The following GMIP variants were observed in gnomAD, a reference collection of about 807,000 sequenced individuals.
GMIP encodes GEM-interacting protein.
Under a neutral mutation model 105.3 loss-of-function variants are expected in GMIP, and 54 were observed. The observed-to-expected ratio is 0.51, with a 90% CI of 0.41 to 0.64. The LOEUF (loss-of-function observed/expected upper bound fraction) is 0.64, where lower values mean the gene tolerates loss of function less well. Among genes scored for constraint, GMIP ranks in the 30% least tolerant of loss-of-function variants. The pLI is 0.00. For missense variants in GMIP, 1,110 were observed against 1,319.4 expected (o/e 0.84, Z 2.46); for synonymous variants, 541 against 560.8 (o/e 0.96, Z 0.50).
In GMIP at chr19:19,637,965, C is replaced by A. The variant is rs889742350; in HGVS notation, c.882G>T (p.Ser294=). 1 of 1,610,840 alleles carries A rather than the reference C, an allele frequency of 6.2e-7. No homozygotes were observed. Among genetic ancestry groups the A allele is most frequent in the Admixed American group, 1.7e-5 (1 of 59,854 alleles). ...CCTGAAACACCAGCTTGCGCACGTGCGACACGATTCGCTGCTTGGCGATCT... is the reference window on the plus strand; with the variant it reads ...CCTGAAACACCAGCTTGCGCACGTGAGACACGATTCGCTGCTTGGCGATCT... ...DLEIAKQRIV[S]HVRKLVFQGD... The change falls in exon 10 of 21, where the codon TCG becomes TCT. Residue 294 remains serine, a synonymous_variant. Coordinates refer to ENST00000203556, the MANE Select transcript of GMIP (RefSeq NM_016573.4). The surrounding 1 kb of genome is among the most constrained non-coding windows in gnomAD (Gnocchi z 6.7).
At chr19:19,643,237 T>A in intron 1 of GMIP, 2 of 424,358 alleles carry the variant, frequency 4.7e-6, no homozygotes, top group Middle Eastern at 6.3e-4. Context: ...CCTGCCCCCA[T>A]CACAAAAATC....
At chr19:19,643,059 GAC>G (rs2061940205) in intron 1 of GMIP, 1 of 210,018 alleles carries the variant, frequency 4.8e-6, no homozygotes, top group Non-Finnish European at 9.6e-6. Context: ...ACACAACACA[GAC>G]ACAAAGACGG....
At position 19,635,882 on chromosome 19, in the gene GMIP, G is replaced by C. The variant is rs889767177; in HGVS notation, c.1328-161C>G. On this transcript the variant is annotated intron_variant, in intron 13 of 20. Transcript: ENST00000203556. The surrounding 1 kb of genome is among the most constrained non-coding windows in gnomAD (Gnocchi z 4.7). Reference sequence around the variant, plus strand: ...TGGAGAATTGGGTCAGCAACCTGAGGGGGGTGGTTCATAAGCTGGATCAAG... The same window carrying C: ...TGGAGAATTGGGTCAGCAACCTGAGCGGGGTGGTTCATAAGCTGGATCAAG... Among the ~76,000 whole-genome samples the C allele has an allele frequency of 6.6e-6, 1 of 152,172 alleles. No individual in the cohort carries two copies. The highest frequency in any genetic ancestry group is 2.4e-5 in the African/African-American group (1 of 41,440).
chr19:19,634,050 T>A lies in GMIP; in HGVS notation c.2225A>T (p.Gln742Leu), dbSNP rs2061823821. 6.2e-7 allele frequency: 1 copy of A among 1,613,480 alleles called. No homozygotes were observed. The highest frequency in any genetic ancestry group is 8.5e-7 in the Non-Finnish European group (1 of 1,179,854). The change falls in exon 19 of 21, where the codon CAG becomes CTG. Residue 742 changes from glutamine (Q) to leucine (L), a missense_variant. Transcript: ENST00000203556. This position sits in a 1 kb window ranked among gnomAD's most constrained non-coding sequence, Gnocchi z 6.1. ...PVTCLLDSGH[Q>L]AQLVEFLIVH... ...GATGAGGAACTCCACAAGCTGGGCC[T>A]GATGCCCAGAGTCCAGCAGGCAGGT... is the stretch of plus-strand genomic sequence containing the variant.
intron 9 of GMIP, 32 bp from the exon 10 acceptor site, chr19:19,638,089 G>C (rs747539714): frequency 1.9e-6 from 3 of 1,541,774 alleles, no homozygotes; most frequent in East Asian, 2.4e-5. Flanking sequence ...AGCGGGGTGG[G>C]GCGCGTGTGG....
At chr19:19,638,518 CT>C in intron 7 of GMIP, 36 bp from the exon 8 acceptor site, 1 of 1,575,542 alleles carries the variant, frequency 6.3e-7, no homozygotes, top group Non-Finnish European at 8.7e-7. Flanking sequence ...GAGACGCTGC[CT>C]TAGGGCCAAC....
Position 19,635,814 on chromosome 19 carries a change from T to G in GMIP, c.1328-93A>C, listed in dbSNP as rs1453250446. 4 of 1,030,786 alleles carry G rather than the reference T, an allele frequency of 3.9e-6. No homozygotes were observed. In the African/African-American group the frequency reaches 6.3e-5, roughly 16 times the overall value. The allele number at this position is 1,030,786 out of a possible 1,614,324, so 63.9% of individuals were successfully genotyped here. A position where few individuals can be genotyped will look rare whatever the true frequency, so the allele number is the denominator to read the frequency against. ...GAACCACCCACTAATTCCCAAGGGG[T>G]CAGAGGTCAGGAGGGGGATTGGACA... On this transcript the variant is annotated intron_variant, in intron 13 of 20. Transcript: ENST00000203556. The surrounding 1 kb of genome is among the most constrained non-coding windows in gnomAD (Gnocchi z 4.7).
chr19:19,639,390 T>C (rs1045697693), intron 7 of GMIP, among the ~76,000 whole-genome samples: 1 of 151,960 alleles, frequency 6.6e-6, no homozygotes, highest in African/African-American at 2.4e-5. Context: ...TGGACCCTTT[T>C]CTGAGTCAGT....
At position 19,635,845 on chromosome 19, in the gene GMIP, GT is replaced by G; in HGVS notation, c.1328-125del. On this transcript the variant is annotated intron_variant, in intron 13 of 20. Coordinates refer to ENST00000203556, the MANE Select transcript of GMIP (RefSeq NM_016573.4). The surrounding 1 kb of genome is among the most constrained non-coding windows in gnomAD (Gnocchi z 4.7). ...GTCAGGAGGGGGATTGGACAGGTCA[GT>G]GGTTAAGGGTTGGAGAATTGGGTCA... The G allele has an allele frequency of 1.3e-6, 1 of 770,216 alleles. No individual in the cohort carries two copies. Among genetic ancestry groups the G allele is most frequent in the Non-Finnish European group, 2.2e-6 (1 of 449,700 alleles). The allele number at this position is 770,216 out of a possible 1,614,324, so 47.7% of individuals were successfully genotyped here.
At position 19,638,006 on chromosome 19, in the gene GMIP, G is replaced by T; in HGVS notation, c.841C>A (p.Arg281=). Residue 281 remains arginine, a synonymous_variant, in exon 10 of 21, where the codon CGG becomes AGG. Coordinates refer to ENST00000203556, the MANE Select transcript of GMIP (RefSeq NM_016573.4). The part of the protein sequence containing the change: ...YQACVREANA[R]QQDLEIAKQR... ...TTGGCGATCTCCAGGTCCTGCTGCC[G>T]CGCGTTGGCCTCGCGGACACAGGCC... The T allele has an allele frequency of 6.2e-7, 1 of 1,609,370 alleles. No homozygotes were observed. The highest frequency in any genetic ancestry group is 8.5e-7 in the Non-Finnish European group (1 of 1,178,554).
chr19:19,643,485 C>T (rs376990815), intron 1 of GMIP, 26 bp downstream of exon 1: 18 of 1,539,222 alleles, frequency 1.2e-5, no homozygotes, highest in East Asian at 2.5e-5. Flanking sequence ...TCGGGGGAGG[C>T]CCCTCCCGGA....
Position 19,634,828 on chromosome 19 carries a change from A to G in GMIP, c.1851T>C (p.His617=), listed in dbSNP as rs913942148. ...ALVELSGNSP[H]DVSSVLKRFL... Reference sequence around the variant, plus strand: ...ATCGCTTGAGGACACTCGAGACGTCATGAGGCGAGTTCCCCGACAGCTCCA... The same window carrying G: ...ATCGCTTGAGGACACTCGAGACGTCGTGAGGCGAGTTCCCCGACAGCTCCA... Residue 617 remains histidine, a synonymous_variant, in exon 17 of 21, where the codon CAT becomes CAC. Transcript: ENST00000203556. The surrounding 1 kb of genome is among the most constrained non-coding windows in gnomAD (Gnocchi z 6.1). 2.5e-6 allele frequency: 4 copies of G among 1,613,736 alleles called. No individual in the cohort carries two copies. Among genetic ancestry groups the G allele is most frequent in the Admixed American group, 3.3e-5 (2 of 60,008 alleles).
In GMIP at chr19:19,643,522, G is replaced by A. The variant is rs2061947731; in HGVS notation, c.8C>T (p.Ala3Val). 2 of 1,548,670 alleles carry A rather than the reference G, an allele frequency of 1.3e-6. No individual in the cohort carries two copies. Among genetic ancestry groups the A allele is most frequent in the Non-Finnish European group, 1.7e-6 (2 of 1,145,820 alleles). MD[A>V]AEPGLPPGPE... ...CCCCGACCCCCTACCCGGCTCTGCTGCGTCCATATCTGGGCCCGGGGATCG... is the reference window on the plus strand; with the variant it reads ...CCCCGACCCCCTACCCGGCTCTGCTACGTCCATATCTGGGCCCGGGGATCG... Residue 3 changes from alanine (A) to valine (V), a missense_variant, in exon 1 of 21, where the codon GCA (alanine) becomes GTA (valine). Around this residue, in one of 3 missense-constraint regions of GMIP, gnomAD observed 667 missense variants for 773.2 expected, o/e 0.86. Coordinates refer to ENST00000203556, the MANE Select transcript of GMIP (RefSeq NM_016573.4).
At chr19:19,636,029 C>T (rs879614444) in intron 13 of GMIP, among the ~76,000 whole-genome samples, 2 of 151,620 alleles carry the variant, frequency 1.3e-5, no homozygotes, top group Non-Finnish European at 2.9e-5. Context: ...CATGGCAAAA[C>T]CTTGTCTCTA....
chr19:19,642,698 G>T (rs1399850329), intron 1 of GMIP, 79 bp from the exon 2 acceptor site: 2 of 653,834 alleles, frequency 3.1e-6, no homozygotes, highest in Non-Finnish European at 5.6e-6. Context: ...TCATTTGGAG[G>T]GGGTGGAAGA....
chr19:19,634,189 C>A lies in GMIP; in HGVS notation c.2086G>T (p.Val696Leu). 6.3e-7 allele frequency: 1 copy of A among 1,591,194 alleles called. No individual in the cohort carries two copies. The highest frequency in any genetic ancestry group is 8.6e-7 in the Non-Finnish European group (1 of 1,166,636). ...LRHLVAHLFR[V>L]AARFMENKMS... is the part of the protein sequence containing the mutation. ...TTGTTTTCCATAAATCGTGCAGCCACCCTGGGGATGGTGTGAAGAGAAAGG... is the reference window on the plus strand; with the variant it reads ...TTGTTTTCCATAAATCGTGCAGCCAACCTGGGGATGGTGTGAAGAGAAAGG... The change falls in exon 19 of 21, where the codon GTG (valine) becomes TTG (leucine). Residue 696 changes from valine to leucine, a missense_variant and splice_region_variant. By Grantham distance (32) the Val-to-Leu change is conservative. Coordinates refer to ENST00000203556, the MANE Select transcript of GMIP (RefSeq NM_016573.4). This position sits in a 1 kb window ranked among gnomAD's most constrained non-coding sequence, Gnocchi z 6.1.
At chr19:19,638,086 T>C in intron 9 of GMIP, 29 bp from the exon 10 acceptor site, 1 of 1,544,784 alleles carries the variant, frequency 6.5e-7, no homozygotes. Flanking sequence ...AGGAGCGGGG[T>C]GGGGCGCGTG....
rs1439219094 is a variant in GMIP, at chr19:19,635,573, C to T, written c.1406-4G>A. 6.2e-7 allele frequency: 1 copy of T among 1,613,810 alleles called. No individual in the cohort carries two copies. The highest frequency in any genetic ancestry group is 1.1e-5 in the South Asian group (1 of 91,074). ...TTCTCCAGCCCGTCTCCCAGGTCTG[C>T]AGGGAGACAGGGTCAGGAGTGCCTG... On this transcript the variant is annotated splice_polypyrimidine_tract_variant and splice_region_variant and intron_variant, in intron 14 of 20. Coordinates refer to ENST00000203556, the MANE Select transcript of GMIP (RefSeq NM_016573.4). This position sits in a 1 kb window ranked among gnomAD's most constrained non-coding sequence, Gnocchi z 4.7.
intron 1 of GMIP, 126 bp from the exon 2 acceptor site, chr19:19,642,745 G>T (rs1436764274): frequency 5.7e-6 from 3 of 524,478 alleles, no homozygotes; most frequent in African/African-American, 1.9e-5. Flanking sequence ...AGAGGGCTGG[G>T]GGGGGCTTGG....
Sources: allele counts gnomAD v4.1 joint callset (sites outside exome capture counted in the v4.1 genomes callset), GRCh38; gene constraint gnomAD v4.1.1; regional missense constraint gnomAD v4.1.1; non-coding constraint Gnocchi (gnomAD v3.1); transcripts MANE v1.5; gene names NCBI Gene and HGNC (gene_info 2026-07-23, HGNC 2026-07-21).